Variants in ZBTB49 observed in about 807,000 individuals in gnomAD.
The protein encoded by ZBTB49 is zinc finger and BTB domain containing 49.
A neutral mutation model predicts 57.5 loss-of-function variants in ZBTB49; 43 were observed. The observed-to-expected ratio is 0.75, with a 90% CI of 0.59 to 0.97. The LOEUF is 0.97. Among genes scored for constraint, ZBTB49 ranks in the 50% least tolerant of loss-of-function variants. The probability of loss-of-function intolerance (pLI) is 0.00; values close to 1 mark genes in which losing one functional copy is unlikely to be tolerated. For missense variants in ZBTB49, 938 were observed against 947.7 expected (o/e 0.99, Z 0.13); for synonymous variants, 369 against 362.1 (o/e 1.02, Z -0.22).
At chr4:4,305,488 C>A (rs1048440924) in intron 3 of ZBTB49, among the ~76,000 whole-genome samples, 4 of 152,148 alleles carry the variant, frequency 2.6e-5, no homozygotes, top group African/African-American at 9.7e-5. Flanking sequence ...CATTTCAGAA[C>A]AGCTGTGGTT....
intron 3 of ZBTB49, among the ~76,000 whole-genome samples, chr4:4,305,266 G>T (rs1198926258): frequency 6.6e-6 from 1 of 152,108 alleles, no homozygotes; most frequent in Non-Finnish European, 1.5e-5. Context: ...CTAGCAAGCT[G>T]CTTTCTTCAA....
At chr4:4,309,216 G>A (rs1720871016) in intron 4 of ZBTB49, among the ~76,000 whole-genome samples, 1 of 152,300 alleles carries the variant, frequency 6.6e-6, no homozygotes, top group African/African-American at 2.4e-5. Flanking sequence ...TTATGAGGAT[G>A]GCATGCCAGC....
chr4:4,297,159 C>A (rs570982930), intron 1 of ZBTB49, among the ~76,000 whole-genome samples: 155 of 152,320 alleles, frequency 1.0e-3, no homozygotes, highest in African/African-American at 3.7e-3. Context: ...CAACCTCCCC[C>A]GCCTGGGTTC....
At chr4:4,293,686 C>T in intron 1 of ZBTB49, among the ~76,000 whole-genome samples, 1 of 152,252 alleles carries the variant, frequency 6.6e-6, no homozygotes, top group African/African-American at 2.4e-5. Context: ...TGGGATCACT[C>T]AGTGGCATTC....
intron 4 of ZBTB49, among the ~76,000 whole-genome samples, chr4:4,308,171 A>G (rs2920212): frequency 0.82 from 125,390 of 152,176 alleles, 51,724 homozygotes; most frequent in Admixed American, 0.84. Context: ...TCTGCCTCCC[A>G]GGTTCAAACG....
chr4:4,306,227 A>G (rs760638853), intron 4 of ZBTB49, 43 bp downstream of exon 4: 7 of 1,537,406 alleles, frequency 4.6e-6, no homozygotes, highest in Middle Eastern at 1.7e-4. Context: ...GAAACCTGCA[A>G]CACAGTGTTT....
In ZBTB49 at chr4:4,302,728, G is replaced by A. The variant is rs376821967; in HGVS notation, c.892G>A (p.Val298Ile). 19 of 1,613,832 alleles carry A rather than the reference G, an allele frequency of 1.2e-5. No homozygotes were observed. The highest frequency in any genetic ancestry group is 1.5e-5 in the Non-Finnish European group (18 of 1,179,940). ...GTCAGACGCCACATGCCAACAACCTGTCAAGCAGATGAGGCTCAAAAAGGC... is the reference window on the plus strand; with the variant it reads ...GTCAGACGCCACATGCCAACAACCTATCAAGCAGATGAGGCTCAAAAAGGC... ...PESDATCQQP[V>I]KQMRLKKAIH... The change falls in exon 3 of 8, where the codon GTC becomes ATC. Residue 298 changes from valine to isoleucine, a missense_variant. Physicochemically the swap from Val to Ile is conservative, Grantham distance 29. Coordinates refer to ENST00000337872, the MANE Select transcript of ZBTB49 (RefSeq NM_145291.4).
At chr4:4,306,738 C>T (rs1221852352) in intron 4 of ZBTB49, among the ~76,000 whole-genome samples, 4 of 152,182 alleles carry the variant, frequency 2.6e-5, no homozygotes, top group African/African-American at 9.7e-5. Flanking sequence ...CACAAAGAAA[C>T]CTAGAGACCT....
rs1400254550 is a variant in ZBTB49 at position 4,299,922 on chromosome 4, T to C, written c.-19-5T>C. ...ATCTGTCGTATCTGTGATTTTTTGCTGTAGGTCACCTGAATGGTTGAGCAT... is the reference window on the plus strand; with the variant it reads ...ATCTGTCGTATCTGTGATTTTTTGCCGTAGGTCACCTGAATGGTTGAGCAT... On this transcript the variant is annotated splice_region_variant and splice_polypyrimidine_tract_variant and intron_variant, in intron 1 of 7. Transcript: ENST00000337872. 6.8e-6 allele frequency: 11 copies of C among 1,611,916 alleles called. No individual in the cohort carries two copies. The highest frequency in any genetic ancestry group is 9.3e-6 in the Non-Finnish European group (11 of 1,178,718).
chr4:4,312,827 G>T (rs1013277728), intron 4 of ZBTB49, among the ~76,000 whole-genome samples: 2 of 152,310 alleles, frequency 1.3e-5, no homozygotes, highest in Admixed American at 1.3e-4. Context: ...GGAGGACGGG[G>T]TGGAGACACA....
At chr4:4,312,949 G>T in intron 4 of ZBTB49, 92 bp from the exon 5 acceptor site, 2 of 1,354,594 alleles carry the variant, frequency 1.5e-6, no homozygotes, top group Non-Finnish European at 2.0e-6. Flanking sequence ...TTGGAACCTG[G>T]CTAAATGTGT....
At chr4:4,295,068 G>A (rs573237891) in intron 1 of ZBTB49, among the ~76,000 whole-genome samples, 2 of 152,204 alleles carry the variant, frequency 1.3e-5, no homozygotes, top group Admixed American at 1.3e-4. Flanking sequence ...TGTTTCTCTT[G>A]TGAATGGTGG....
rs764050716 is a variant in ZBTB49, at chr4:4,320,878, C to A, written c.1860C>A (p.Asp620Glu). The change falls in exon 8 of 8, where the codon GAC (aspartate) becomes GAA (glutamate). Residue 620 changes from aspartate to glutamate, a missense_variant. Physicochemically the swap from Asp to Glu is conservative, Grantham distance 45 (BLOSUM62 2). Coordinates refer to ENST00000337872, the MANE Select transcript of ZBTB49 (RefSeq NM_145291.4). Reference sequence around the variant, plus strand: ...AGAGCTCAGACTCTTTCTCCCAAGACACGTCTGTGACGCTGATGCCAGTGT... The same window carrying A: ...AGAGCTCAGACTCTTTCTCCCAAGAAACGTCTGTGACGCTGATGCCAGTGT... ...KSQSSDSFSQDTSVTLMPVSV... is the reference protein window; with the variant it reads ...KSQSSDSFSQETSVTLMPVSV... 4 of 1,614,100 alleles carry A rather than the reference C, an allele frequency of 2.5e-6. No homozygotes were observed. The African/African-American group carries it at 5.3e-5, about 22-fold the overall frequency.
intron 4 of ZBTB49, among the ~76,000 whole-genome samples, chr4:4,311,535 G>A (rs1225661013): frequency 6.6e-6 from 1 of 152,208 alleles, no homozygotes; most frequent in Non-Finnish European, 1.5e-5. Flanking sequence ...CCCACAAGTA[G>A]AGGAGTTTAG....
intron 1 of ZBTB49, among the ~76,000 whole-genome samples, chr4:4,292,384 C>T (rs1333260007): frequency 1.3e-5 from 2 of 152,190 alleles, no homozygotes; most frequent in Non-Finnish European, 2.9e-5. Context: ...ATGTGTTTGC[C>T]ATCGTACCTT....
chr4:4,315,395 G>A (rs923415785), intron 5 of ZBTB49, among the ~76,000 whole-genome samples: 3 of 152,136 alleles, frequency 2.0e-5, no homozygotes, highest in Non-Finnish European at 4.4e-5. Context: ...GAGGAAGAAA[G>A]TGTGATGAAA....
intron 4 of ZBTB49, among the ~76,000 whole-genome samples, chr4:4,310,602 T>C (rs1460722456): frequency 2.0e-5 from 3 of 150,842 alleles, no homozygotes; most frequent in Non-Finnish European, 4.4e-5. Context: ...CTCCACCTCC[T>C]GGGTTCACGC....
chr4:4,319,898 A>C (rs144804788), intron 7 of ZBTB49, among the ~76,000 whole-genome samples: 1,153 of 152,052 alleles, frequency 7.6e-3, no homozygotes, highest in Non-Finnish European at 0.011. Context: ...TTTCTACTAA[A>C]AATATTAATA....
At chr4:4,304,326 A>G (rs778752563) in intron 3 of ZBTB49, among the ~76,000 whole-genome samples, 22 of 151,692 alleles carry the variant, frequency 1.5e-4, no homozygotes, top group Middle Eastern at 3.4e-3. Flanking sequence ...CCTGGGTTCA[A>G]TTGATTCTCC....
Sources: gnomAD v4.1 joint callset for allele counts (sites outside exome capture counted in the v4.1 genomes callset) on GRCh38, gnomAD v4.1.1 for gene constraint, MANE v1.5 for transcripts, NCBI Gene and HGNC (gene_info 2026-07-23, HGNC 2026-07-21) for gene names.